PPP1R14A: variants seen among roughly 807,000 people sequenced by gnomAD.
PPP1R14A encodes protein phosphatase 1 regulatory inhibitor subunit 14A, also known as protein phosphatase 1 regulatory subunit 14A.
Under a neutral mutation model 14.1 loss-of-function variants are expected in PPP1R14A, and 9 were observed. That is an observed-to-expected ratio of 0.64 (90% CI 0.38 to 1.11). PPP1R14A has a LOEUF of 1.11. PPP1R14A is among the 50% of genes most tolerant of loss of function. The probability of loss-of-function intolerance (pLI) is 0.01; values close to 1 mark genes in which losing one functional copy is unlikely to be tolerated. For synonymous variants in PPP1R14A, 93 were observed against 88.7 expected, an observed-to-expected ratio of 1.05 and a Z score of -0.27; for missense variants, 208 against 200.7, an observed-to-expected ratio of 1.04 and a Z score of -0.22.
Position 38,256,346 on chromosome 19 carries a change from G to C in PPP1R14A, c.-7C>G. The C allele has an allele frequency of 6.8e-7, 1 of 1,466,958 alleles. No individual in the cohort carries two copies. The allele number at this position is 1,466,958 out of a possible 1,614,324, so 90.9% of individuals were successfully genotyped here. Reference sequence around the variant, plus strand: ...CCAGCCGCTGAGCTGCCATCGCGCTGCTGGACCCAGCCTGGCCCCGCGCTG... The same window carrying C: ...CCAGCCGCTGAGCTGCCATCGCGCTCCTGGACCCAGCCTGGCCCCGCGCTG... On this transcript the variant is annotated 5_prime_UTR_variant, in exon 1 of 4. Coordinates refer to ENST00000301242, the MANE Select transcript of PPP1R14A (RefSeq NM_033256.3). The surrounding 1 kb of genome is among the most constrained non-coding windows in gnomAD (Gnocchi z 5.7).
Position 38,252,887 on chromosome 19 carries a change from C to T in PPP1R14A, c.282+7G>A. On this transcript the variant is annotated splice_region_variant and intron_variant, in intron 2 of 3. Coordinates refer to ENST00000301242, the MANE Select transcript of PPP1R14A (RefSeq NM_033256.3). The surrounding 1 kb of genome is among the most constrained non-coding windows in gnomAD (Gnocchi z 4.1). ...TGGGAGGCTGGGGGACACGTCCCCC[C>T]ACCTACCTGGATTTTCCGGCTTCTC... The T allele has an allele frequency of 6.2e-7, 1 of 1,607,736 alleles. No homozygotes were observed. Among genetic ancestry groups the T allele is most frequent in the Non-Finnish European group, 8.5e-7 (1 of 1,174,204 alleles).
rs111906384 is a variant in PPP1R14A at position 38,256,089 on chromosome 19, G to T, written c.201+50C>A. 6.1e-6 allele frequency: 9 copies of T among 1,482,016 alleles called. No homozygotes were observed. Among genetic ancestry groups the T allele is most frequent in the Admixed American group, 2.1e-5 (1 of 47,088 alleles). The allele number at this position is 1,482,016 out of a possible 1,614,324, so 91.8% of individuals were successfully genotyped here. On this transcript the variant is annotated intron_variant, in intron 1 of 3. Transcript: ENST00000301242. The surrounding 1 kb of genome is among the most constrained non-coding windows in gnomAD (Gnocchi z 5.7). Reference sequence around the variant, plus strand: ...GACCCCAAGGGCGTGGGGTCTCCGCGCCCGGGCTCTATCTGTCCCCGACCA... The same window carrying T: ...GACCCCAAGGGCGTGGGGTCTCCGCTCCCGGGCTCTATCTGTCCCCGACCA...
intron 3 of PPP1R14A, among the ~76,000 whole-genome samples, 161 bp from the exon 4 acceptor site, chr19:38,251,607 G>A (rs534105860): frequency 4.6e-5 from 7 of 152,122 alleles, no homozygotes; most frequent in South Asian, 4.2e-4. Context: ...AAAGTGAGCC[G>A]GGAGAAAGAC....
rs1248921295 is a variant in PPP1R14A at position 38,251,462 on chromosome 19, G to T, written c.316-16C>A. On this transcript the variant is annotated splice_polypyrimidine_tract_variant and intron_variant, in intron 3 of 3. Coordinates refer to ENST00000301242, the MANE Select transcript of PPP1R14A (RefSeq NM_033256.3). Reference sequence around the variant, plus strand: ...GGATGAAGTCCTGAGACAGGGTGGGGGAGCTGAGAACATGGGAACAGTGCG... The same window carrying T: ...GGATGAAGTCCTGAGACAGGGTGGGTGAGCTGAGAACATGGGAACAGTGCG... 2 of 1,558,120 alleles carry T rather than the reference G, an allele frequency of 1.3e-6. No individual in the cohort carries two copies. Among genetic ancestry groups the T allele is most frequent in the Non-Finnish European group, 1.7e-6 (2 of 1,161,620 alleles).
Position 38,252,992 on chromosome 19 carries a change from G to C in PPP1R14A, c.202-18C>G. 1 of 1,593,152 alleles carries C rather than the reference G, an allele frequency of 6.3e-7. No homozygotes were observed. The highest frequency in any genetic ancestry group is 8.6e-7 in the Non-Finnish European group (1 of 1,161,300). Reference sequence around the variant, plus strand: ...TCTGCCTCCTAGGGCCAGGGAGGGAGGGGTGCTTAGGATCCCCTTCCCTCC... The same window carrying C: ...TCTGCCTCCTAGGGCCAGGGAGGGACGGGTGCTTAGGATCCCCTTCCCTCC... On this transcript the variant is annotated intron_variant, in intron 1 of 3. Transcript: ENST00000301242. The surrounding 1 kb of genome is among the most constrained non-coding windows in gnomAD (Gnocchi z 4.1).
chr19:38,255,325 C>T (rs1403007887), intron 1 of PPP1R14A, among the ~76,000 whole-genome samples: 2 of 152,014 alleles, frequency 1.3e-5, no homozygotes, highest in Non-Finnish European at 2.9e-5. Flanking sequence ...GACAGGTTTT[C>T]CCCATGTTGC....
chr19:38,251,574 C>A, intron 3 of PPP1R14A, 128 bp from the exon 4 acceptor site: 1 of 624,552 alleles, frequency 1.6e-6, no homozygotes, highest in Non-Finnish European at 2.6e-6. Context: ...GAGTTAGGGG[C>A]GGAGGCTATA....
Position 38,252,181 on chromosome 19 carries a change from G to T in PPP1R14A, c.315+125C>A. ...AGACCAGAAAGAGCTGCGGAGGGCAGGTTGGGGCCGGGGGTGGTGGGGCCG... is the reference window on the plus strand; with the variant it reads ...AGACCAGAAAGAGCTGCGGAGGGCATGTTGGGGCCGGGGGTGGTGGGGCCG... On this transcript the variant is annotated intron_variant, in intron 3 of 3. Coordinates refer to ENST00000301242, the MANE Select transcript of PPP1R14A (RefSeq NM_033256.3). This position sits in a 1 kb window ranked among gnomAD's most constrained non-coding sequence, Gnocchi z 4.1. The T allele has an allele frequency of 1.2e-6, 1 of 860,336 alleles. No homozygotes were observed. Among genetic ancestry groups the T allele is most frequent in the Non-Finnish European group, 1.9e-6 (1 of 530,562 alleles). 53.3% of individuals were successfully genotyped at this position (860,336 alleles called of 1,614,324 possible).
chr19:38,255,170 C>T (rs560038482), intron 1 of PPP1R14A, among the ~76,000 whole-genome samples: 1 of 152,336 alleles, frequency 6.6e-6, no homozygotes, highest in South Asian at 2.1e-4. Context: ...GTTGCCCAGG[C>T]TGGAGTGCAG....
chr19:38,256,293 G>C lies in PPP1R14A; in HGVS notation c.47C>G (p.Ser16Cys). 5.2e-6 allele frequency: 8 copies of C among 1,538,536 alleles called. No homozygotes were observed. The highest frequency in any genetic ancestry group is 7.0e-6 in the Non-Finnish European group (8 of 1,148,558). ...CCCTGGCCCGCGGGCCCGCGATGGA[G>C]ACTGCAGCTTGCTCAGCACGCGCTT... ...LGKRVLSKLQ[S>C]PSRARGPGGS... The change falls in exon 1 of 4, where the codon TCT becomes TGT. Residue 16 changes from serine to cysteine, a missense_variant. Coordinates refer to ENST00000301242, the MANE Select transcript of PPP1R14A (RefSeq NM_033256.3). The surrounding 1 kb of genome is among the most constrained non-coding windows in gnomAD (Gnocchi z 5.7).
intron 3 of PPP1R14A, chr19:38,251,980 G>T: frequency 2.3e-6 from 1 of 435,242 alleles, no homozygotes; most frequent in Non-Finnish European, 4.1e-6. Context: ...GGAGCCCGGG[G>T]TGGCGGAGGC....
rs774990445 is a variant in PPP1R14A, at chr19:38,251,337, GC to G, written c.424del (p.Ala142ProfsTer28). Reference protein sequence around the residue: ...DGSLSPLQDRARTAHP With the variant: ...DGSLSPLQDRXRTAHP ...AGAGGGTCAGGGGTGAGCAGTCCGG[GC>G]CCGGTCCTGGAGGGGGCTGAGGCTG... On this transcript the variant is annotated frameshift_variant, in exon 4 of 4. Transcript: ENST00000301242. LOFTEE classifies it high-confidence loss of function. 62 of 1,525,812 alleles carry G rather than the reference GC, an allele frequency of 4.1e-5. No homozygotes were observed. The highest frequency in any genetic ancestry group is 1.3e-4 in the East Asian group (5 of 38,702). The allele number at this position is 1,525,812 out of a possible 1,614,324, so 94.5% of individuals were successfully genotyped here.
rs990775086 is a variant in PPP1R14A, at chr19:38,252,569, T to C, written c.283-231A>G. ...AGAGGGCGAGAGGGTCACACAGCAC[T>C]TCCCTCCTCTAAAAAGGTATAAGCC... is the stretch of plus-strand genomic sequence containing the variant. On this transcript the variant is annotated intron_variant, in intron 2 of 3. Transcript: ENST00000301242. The surrounding 1 kb of genome is among the most constrained non-coding windows in gnomAD (Gnocchi z 4.1). 6.6e-6 allele frequency among the ~76,000 whole-genome samples: 1 copy of C among 151,968 alleles called. No individual in the cohort carries two copies. The highest frequency in any genetic ancestry group is 1.5e-5 in the Non-Finnish European group (1 of 68,020).
At position 38,251,398 on chromosome 19, in the gene PPP1R14A, G is replaced by A. The variant is rs755625255; in HGVS notation, c.364C>T (p.Pro122Ser). Residue 122 changes from proline to serine, a missense_variant, in exon 4 of 4, where the codon CCC becomes TCC. Coordinates refer to ENST00000301242, the MANE Select transcript of PPP1R14A (RefSeq NM_033256.3). ...GAGGGGCTTGGCTGGCGGAGGCCGGGCTGCCTGTGGAGGCCTTGAAGCTTT... is the reference window on the plus strand; with the variant it reads ...GAGGGGCTTGGCTGGCGGAGGCCGGACTGCCTGTGGAGGCCTTGAAGCTTT... ...LAKLQGLHRQ[P>S]GLRQPSPSHD... 1.9e-6 allele frequency: 3 copies of A among 1,561,670 alleles called. No individual in the cohort carries two copies. The highest frequency in any genetic ancestry group is 4.9e-5 in the East Asian group (2 of 40,928).
chr19:38,255,630 C>G (rs1057057820), intron 1 of PPP1R14A, among the ~76,000 whole-genome samples: 17 of 141,202 alleles, frequency 1.2e-4, no homozygotes, highest in Non-Finnish European at 2.2e-4. Flanking sequence ...TGACCCCCCC[C>G]CAGCCCCCGC....
chr19:38,253,207 A>G, intron 1 of PPP1R14A: 1 of 491,086 alleles, frequency 2.0e-6, no homozygotes, highest in Non-Finnish European at 3.6e-6. Context: ...GCCTGGGCCC[A>G]TGGGCCCCGG....
intron 1 of PPP1R14A, among the ~76,000 whole-genome samples, chr19:38,254,606 A>G (rs560817153): frequency 1.3e-4 from 19 of 150,720 alleles, no homozygotes; most frequent in Middle Eastern, 7.2e-3. Context: ...TGCTCGGCCA[A>G]TGAGGCCCCA....
chr19:38,251,351 G>C lies in PPP1R14A; in HGVS notation c.411C>G (p.Pro137=). 1.3e-6 allele frequency: 2 copies of C among 1,544,120 alleles called. No homozygotes were observed. Among genetic ancestry groups the C allele is most frequent in the African/African-American group, 1.4e-5 (1 of 70,104 alleles). The change falls in exon 4 of 4, where the codon CCC becomes CCG. Residue 137 remains proline (P), a synonymous_variant. Coordinates refer to ENST00000301242, the MANE Select transcript of PPP1R14A (RefSeq NM_033256.3). ...PSPSHDGSLS[P]LQDRARTAHP The stretch of plus-strand genomic sequence containing the variant: ...GAGCAGTCCGGGCCCGGTCCTGGAG[G>C]GGGCTGAGGCTGCCGTCGTGGGAGG...
chr19:38,253,941 G>C lies in PPP1R14A; in HGVS notation c.202-967C>G, dbSNP rs927713887. Among the ~76,000 whole-genome samples the C allele has an allele frequency of 7.5e-4, 114 of 152,330 alleles. 1 individual carries two copies. Among genetic ancestry groups the C allele is most frequent in the Non-Finnish European group, 8.8e-5 (6 of 68,020 alleles). ...GGTGTGAGGTGTGTGGCTCTGGCTT[G>C]GGTGTGTGACACATCAGCATGTGTC... On this transcript the variant is annotated intron_variant, in intron 1 of 3. Coordinates refer to ENST00000301242, the MANE Select transcript of PPP1R14A (RefSeq NM_033256.3).
Sources: gnomAD v4.1 joint callset for allele counts (sites outside exome capture counted in the v4.1 genomes callset) on GRCh38, gnomAD v4.1.1 for gene constraint, Gnocchi (gnomAD v3.1) non-coding constraint, MANE v1.5 for transcripts, NCBI Gene and HGNC (gene_info 2026-07-23, HGNC 2026-07-21) for gene names.